CATSPER1: variants seen among roughly 807,000 people sequenced by gnomAD.
CATSPER1 encodes the protein cation channel sperm associated 1.
CATSPER1 carries 57 observed loss-of-function variants against 72.7 expected under a neutral mutation model. That is an observed-to-expected ratio of 0.78 (90% confidence interval 0.63 to 0.98). CATSPER1 has a LOEUF of 0.98. Among genes scored for constraint, CATSPER1 ranks in the 50% least tolerant of loss-of-function variants. The pLI is 0.00. For missense variants in CATSPER1, 910 were observed against 1,033.9 expected (o/e 0.88, Z 1.64); for synonymous variants, 363 against 403.0 (o/e 0.90, Z 1.19).
chr11:66,024,284 T>G (rs917555271), intron 1 of CATSPER1, among the ~76,000 whole-genome samples: 1 of 135,708 alleles, frequency 7.4e-6, no homozygotes, highest in East Asian at 2.0e-4. Context: ...TTTTTTTTTT[T>G]TTTTTTTTTT....
At chr11:66,023,882 C>T (rs2134996706) in intron 1 of CATSPER1, among the ~76,000 whole-genome samples, 1 of 151,990 alleles carries the variant, frequency 6.6e-6, no homozygotes, top group South Asian at 2.1e-4. Context: ...GTTCCCTCCT[C>T]TGGGCTGCCT....
At chr11:66,019,500 C>T (rs1165716173) in intron 9 of CATSPER1, among the ~76,000 whole-genome samples, 1 of 152,072 alleles carries the variant, frequency 6.6e-6, no homozygotes, top group Non-Finnish European at 1.5e-5. Flanking sequence ...TGGTCTTGAA[C>T]TGCTGACCTC....
At position 66,020,140 on chromosome 11, in the gene CATSPER1, C is replaced by G; in HGVS notation, c.2125G>C (p.Glu709Gln). The G allele has an allele frequency of 6.2e-7, 1 of 1,613,158 alleles. No homozygotes were observed. The highest frequency in any genetic ancestry group is 1.1e-5 in the South Asian group (1 of 91,088). ...GGGCCAGGGCGGGCCAGGCCCATAC[C>G]TGCAGCTCTGAGCTCCGTCAGTGAG... ...EDSLTELRAA[E>Q]PKEVASEGTM... The change falls in exon 9 of 12, where the codon GAG becomes CAG. Residue 709 changes from glutamate to glutamine, a missense_variant and splice_region_variant. By Grantham distance (29) the Glu-to-Gln change is conservative. Coordinates refer to ENST00000312106, the MANE Select transcript of CATSPER1 (RefSeq NM_053054.4). The surrounding 1 kb of genome is among the most constrained non-coding windows in gnomAD (Gnocchi z 4.5).
In CATSPER1 at chr11:66,016,938, T is replaced by C. The variant is rs566551492; in HGVS notation, c.2317-22A>G. 7 of 1,614,066 alleles carry C rather than the reference T, an allele frequency of 4.3e-6. No individual in the cohort carries two copies. In the South Asian group the frequency reaches 5.5e-5, roughly 13 times the overall value. On this transcript the variant is annotated intron_variant, in intron 11 of 11. Coordinates refer to ENST00000312106, the MANE Select transcript of CATSPER1 (RefSeq NM_053054.4). Reference sequence around the variant, plus strand: ...CAGCCTGCAGGGGTGAGTGGGGCACTGGTGGGTGAATGAGCCAGACTTTGC... The same window carrying C: ...CAGCCTGCAGGGGTGAGTGGGGCACCGGTGGGTGAATGAGCCAGACTTTGC...
chr11:66,021,049 G>A (rs371460795), intron 5 of CATSPER1, 45 bp downstream of exon 5: 71 of 1,587,010 alleles, frequency 4.5e-5, no homozygotes, highest in African/African-American at 3.5e-4. Context: ...CCCTTTCACC[G>A]CAGCCCCTCA....
Position 66,017,193 on chromosome 11 carries a change from G to GGGGGGGGGGGGGGCCCCC in CATSPER1, c.2202-20_2202-19insGGGGGCCCCCCCCCCCCC. On this transcript the variant is annotated intron_variant, in intron 10 of 11. Transcript: ENST00000312106. ...CTGCTGCCTGCGGGTGGGCGGGGGG[G>GGGGGGGGGGGGGGCCCCC]TCGCAGAGACAGGGGCTGGGCTGAC... The GGGGGGGGGGGGGGCCCCC allele has an allele frequency of 4.1e-6, 2 of 493,810 alleles. No homozygotes were observed. The highest frequency in any genetic ancestry group is 7.9e-6 in the Non-Finnish European group (2 of 252,620). 30.6% of individuals were successfully genotyped at this position (493,810 alleles called of 1,614,324 possible).
intron 2 of CATSPER1, among the ~76,000 whole-genome samples, chr11:66,022,111 G>A (rs1333647737): frequency 1.3e-5 from 2 of 152,114 alleles, no homozygotes; most frequent in South Asian, 2.1e-4. Context: ...AGGTTGAGGC[G>A]GGCGCATCAC....
chr11:66,020,056 G>T lies in CATSPER1; in HGVS notation c.2125+84C>A. ...TCTAAAACTGAGTCTGGAATTCTGTGACTGTGGAAGGAGGTTAGGGGGATG... is the reference window on the plus strand; with the variant it reads ...TCTAAAACTGAGTCTGGAATTCTGTTACTGTGGAAGGAGGTTAGGGGGATG... On this transcript the variant is annotated intron_variant, in intron 9 of 11. Transcript: ENST00000312106. The surrounding 1 kb of genome is among the most constrained non-coding windows in gnomAD (Gnocchi z 4.5). The T allele has an allele frequency of 2.1e-6, 3 of 1,412,348 alleles. No individual in the cohort carries two copies. Among genetic ancestry groups the T allele is most frequent in the South Asian group, 1.2e-5 (1 of 86,046 alleles). The allele number at this position is 1,412,348 out of a possible 1,614,324, so 87.5% of individuals were successfully genotyped here.
chr11:66,020,702 C>T lies in CATSPER1; in HGVS notation c.1928-75G>A, dbSNP rs1383261545. 3.1e-6 allele frequency: 5 copies of T among 1,595,156 alleles called. No individual in the cohort carries two copies. Among genetic ancestry groups the T allele is most frequent in the Non-Finnish European group, 4.3e-6 (5 of 1,166,130 alleles). On this transcript the variant is annotated intron_variant, in intron 6 of 11. Coordinates refer to ENST00000312106, the MANE Select transcript of CATSPER1 (RefSeq NM_053054.4). The surrounding 1 kb of genome is among the most constrained non-coding windows in gnomAD (Gnocchi z 4.5). ...AACCACGACCTGCTCCCTTCCCATA[C>T]CCGGACATGCAGGCATCAGAAGCCC...
intron 4 of CATSPER1, 119 bp from the exon 5 acceptor site, chr11:66,021,304 G>A (rs1006395343): frequency 5.5e-5 from 67 of 1,224,448 alleles, no homozygotes; most frequent in Admixed American, 8.2e-5. Flanking sequence ...TGACTTGGGT[G>A]AGTCCTGGCC....
intron 2 of CATSPER1, among the ~76,000 whole-genome samples, chr11:66,022,644 C>T (rs1432395344): frequency 6.6e-6 from 1 of 152,270 alleles, no homozygotes; most frequent in Non-Finnish European, 1.5e-5. Context: ...CACCGCCTCC[C>T]GCCTAGCGGG....
intron 10 of CATSPER1, 158 bp downstream of exon 10, chr11:66,018,669 C>T: frequency 2.7e-6 from 2 of 753,750 alleles, no homozygotes; most frequent in Non-Finnish European, 4.5e-6. Context: ...CAGAAGCCAC[C>T]CAGGGTCTCC....
chr11:66,025,448 G>A lies in CATSPER1; in HGVS notation c.932C>T (p.Ser311Phe), dbSNP rs1349580975. The A allele has an allele frequency of 1.2e-5, 20 of 1,613,628 alleles. No homozygotes were observed. The highest frequency in any genetic ancestry group is 1.7e-5 in the Non-Finnish European group (20 of 1,179,974). Residue 311 changes from serine (S) to phenylalanine (F), a missense_variant, in exon 1 of 12, where the codon TCC becomes TTC. Physicochemically the swap from Ser to Phe is radical, Grantham distance 155 (BLOSUM62 -2). Coordinates refer to ENST00000312106, the MANE Select transcript of CATSPER1 (RefSeq NM_053054.4). ...QHQDHHGAYH[S>F]SYLHGDYVQS... ...GACGTAGTCGCCATGGAGGTAACTG[G>A]AATGATACGCGCCGTGGTGGTCTTG...
chr11:66,023,212 C>A, intron 1 of CATSPER1, 151 bp from the exon 2 acceptor site: 1 of 865,234 alleles, frequency 1.2e-6, no homozygotes, highest in Non-Finnish European at 1.9e-6. Flanking sequence ...GCCTCAGCCT[C>A]CCAAGTAGCT....
chr11:66,020,815 G>C lies in CATSPER1; in HGVS notation c.1923C>G (p.Ala641=), dbSNP rs200037715. The C allele has an allele frequency of 6.2e-7, 1 of 1,613,756 alleles. No homozygotes were observed. The highest frequency in any genetic ancestry group is 1.1e-5 in the South Asian group (1 of 91,080). Residue 641 remains alanine (A), a synonymous_variant, in exon 6 of 12, where the codon GCC becomes GCG. Transcript: ENST00000312106. This position sits in a 1 kb window ranked among gnomAD's most constrained non-coding sequence, Gnocchi z 4.5. ...DWSLIYMDSR[A]QGAWYIIPIL... is the part of the protein sequence containing the mutation. ...GCAGCCTGGGGCCTGCCCTACCCTG[G>C]GCACGGCTGTCCATGTAGATGAGGG... is the stretch of plus-strand genomic sequence containing the variant.
chr11:66,025,443 A>C lies in CATSPER1; in HGVS notation c.937T>G (p.Tyr313Asp). The stretch of plus-strand genomic sequence containing the variant: ...CTCTGGACGTAGTCGCCATGGAGGT[A>C]ACTGGAATGATACGCGCCGTGGTGG... ...QDHHGAYHSS[Y>D]LHGDYVQSTS... is the part of the protein sequence containing the mutation. Residue 313 changes from tyrosine (Y) to aspartate (D), a missense_variant, in exon 1 of 12, where the codon TAC becomes GAC. Physicochemically the swap from Tyr to Asp is radical, Grantham distance 160 (BLOSUM62 -3). Transcript: ENST00000312106. The C allele has an allele frequency of 3.1e-6, 5 of 1,612,112 alleles. No individual in the cohort carries two copies. The highest frequency in any genetic ancestry group is 3.4e-6 in the Non-Finnish European group (4 of 1,179,674).
In CATSPER1 at chr11:66,020,071, T is replaced by G. The variant is rs1590681128; in HGVS notation, c.2125+69A>C. 2.7e-6 allele frequency: 4 copies of G among 1,490,450 alleles called. No individual in the cohort carries two copies. The highest frequency in any genetic ancestry group is 3.7e-6 in the Non-Finnish European group (4 of 1,070,332). The allele number at this position is 1,490,450 out of a possible 1,614,324, so 92.3% of individuals were successfully genotyped here. A position where few individuals can be genotyped will look rare whatever the true frequency, so the allele number is the denominator to read the frequency against. On this transcript the variant is annotated intron_variant, in intron 9 of 11. Coordinates refer to ENST00000312106, the MANE Select transcript of CATSPER1 (RefSeq NM_053054.4). The surrounding 1 kb of genome is among the most constrained non-coding windows in gnomAD (Gnocchi z 4.5). ...GGAATTCTGTGACTGTGGAAGGAGG[T>G]TAGGGGGATGGAGAGACTGGCCCCC...
chr11:66,026,351 G>A lies in CATSPER1; in HGVS notation c.29C>T (p.Ala10Val), dbSNP rs1207828356. The A allele has an allele frequency of 4.3e-6, 7 of 1,613,834 alleles. No homozygotes were observed. The highest frequency in any genetic ancestry group is 4.5e-5 in the East Asian group (2 of 44,882). The change falls in exon 1 of 12, where the codon GCT becomes GTT. Residue 10 changes from alanine to valine, a missense_variant. Ala to Val is a moderately conservative substitution (Grantham distance 64, BLOSUM62 0). Coordinates refer to ENST00000312106, the MANE Select transcript of CATSPER1 (RefSeq NM_053054.4). MDQNSVPEK[A>V]QNEADTNNAD... The stretch of plus-strand genomic sequence containing the variant: ...GTTATTGGTGTCTGCCTCATTCTGA[G>A]CCTTTTCAGGCACTGAGTTTTGATC...
intron 2 of CATSPER1, 39 bp from the exon 3 acceptor site, chr11:66,021,918 C>A (rs894052330): frequency 6.9e-7 from 1 of 1,454,532 alleles, no homozygotes; most frequent in Non-Finnish European, 9.7e-7. Context: ...CTGTCCCCAG[C>A]ACCCAGTGCC....
Sources: gnomAD v4.1 joint callset for allele counts (sites outside exome capture counted in the v4.1 genomes callset) on GRCh38, gnomAD v4.1.1 for gene constraint, Gnocchi (gnomAD v3.1) non-coding constraint, MANE v1.5 for transcripts, NCBI Gene and HGNC (gene_info 2026-07-23, HGNC 2026-07-21) for gene names.